TGFBR3: variants seen among roughly 807,000 people sequenced by gnomAD.
The protein encoded by TGFBR3 is transforming growth factor beta receptor 3.
Under a neutral mutation model 87.9 loss-of-function variants are expected in TGFBR3, and 46 were observed. That is an observed-to-expected ratio of 0.52 (90% CI 0.41 to 0.67). TGFBR3 has a LOEUF of 0.67. Ranked by LOEUF, TGFBR3 falls within the 30% of genes least tolerant of loss-of-function variation. TGFBR3 has a pLI of 0.00. For missense variants in TGFBR3, 866 were observed against 1,041.9 expected (o/e 0.83, Z 2.32); for synonymous variants, 381 against 391.6 (o/e 0.97, Z 0.32).
In TGFBR3 at chr1:91,751,124, C is replaced by T. The variant is rs192524507; in HGVS notation, c.384+7489G>A. On this transcript the variant is annotated intron_variant, in intron 4 of 16. Coordinates refer to ENST00000212355, the MANE Select transcript of TGFBR3 (RefSeq NM_003243.5). ...ATGAATGAACAAGCACATACATAAA[C>T]CATCATACCCGGTATGCTAATTCTG... Among the ~76,000 whole-genome samples the T allele has an allele frequency of 3.3e-5, 5 of 152,246 alleles. No individual in the cohort carries two copies. In the East Asian group the frequency reaches 9.6e-4, roughly 29 times the overall value.
intron 1 of TGFBR3, among the ~76,000 whole-genome samples, chr1:91,880,356 G>A (rs1679022960): frequency 6.6e-6 from 1 of 152,180 alleles, no homozygotes; most frequent in East Asian, 1.9e-4. Flanking sequence ...ATCCCAGCAC[G>A]TTGGGAGGCC....
chr1:91,696,538 A>G (rs965078177), intron 15 of TGFBR3, among the ~76,000 whole-genome samples: 10 of 152,200 alleles, frequency 6.6e-5, no homozygotes, highest in Non-Finnish European at 7.3e-5. Context: ...CCATTTGGCA[A>G]AGGTTTTTAT....
At chr1:91,775,506 T>C (rs150286999) in intron 3 of TGFBR3, among the ~76,000 whole-genome samples, 75 of 152,322 alleles carry the variant, frequency 4.9e-4, no homozygotes, top group African/African-American at 1.7e-3. Flanking sequence ...ACGCTTCCTC[T>C]AAGAAGCCCT....
At chr1:91,876,101 G>A (rs1160684805) in intron 1 of TGFBR3, among the ~76,000 whole-genome samples, 1 of 151,914 alleles carries the variant, frequency 6.6e-6, no homozygotes, top group Non-Finnish European at 1.5e-5. Context: ...CCTCATGGGG[G>A]TGTGGTGGGG....
In TGFBR3 at chr1:91,683,797, GC is replaced by G; in HGVS notation, c.2497del (p.Ala833LeufsTer46). The G allele has an allele frequency of 6.2e-7, 1 of 1,608,504 alleles. No homozygotes were observed. Among genetic ancestry groups the G allele is most frequent in the Non-Finnish European group, 8.5e-7 (1 of 1,178,156 alleles). ...CTGCGTGCTGCCGATGCTGTGGGCA[GC>G]ACTGCTGTTTTCCGAGGCTGGCGGG... is the stretch of plus-strand genomic sequence containing the variant. ...TSPPASENSS[A>X]AHSIGSTQST... On this transcript the variant is annotated frameshift_variant, in exon 17 of 17. Coordinates refer to ENST00000212355, the MANE Select transcript of TGFBR3 (RefSeq NM_003243.5). LOFTEE classifies it high-confidence loss of function.
At chr1:91,784,400 CA>C (rs1319852480) in intron 3 of TGFBR3, among the ~76,000 whole-genome samples, 1 of 151,972 alleles carries the variant, frequency 6.6e-6, no homozygotes, top group Non-Finnish European at 1.5e-5. Flanking sequence ...TTGCATAATG[CA>C]AAAAAAGACC....
chr1:91,814,978 TCTACTATA>T (rs1443362195), intron 2 of TGFBR3, among the ~76,000 whole-genome samples: 1 of 152,106 alleles, frequency 6.6e-6, no homozygotes, highest in African/African-American at 2.4e-5. Flanking sequence ...TGTAAAAATC[TCTACTATA>T]CTGTGAGCAA....
chr1:91,867,605 A>C (rs1678435087), intron 1 of TGFBR3, among the ~76,000 whole-genome samples: 4 of 152,230 alleles, frequency 2.6e-5, no homozygotes, highest in Admixed American at 6.5e-5. Context: ...GTTTTATTCA[A>C]ACTCACAAAC....
rs1165454310 is a variant in TGFBR3 at position 91,695,562 on chromosome 1, G to A, written c.2437+110C>T. 6.5e-6 allele frequency: 6 copies of A among 919,044 alleles called. No homozygotes were observed. In the East Asian group the frequency reaches 1.2e-4, roughly 19 times the overall value. 56.9% of individuals were successfully genotyped at this position (919,044 alleles called of 1,614,324 possible). ...CAAATATGTAAATGTAAAAATAGTA[G>A]GAATGAACTTTCTCTTTCATTCGTT... On this transcript the variant is annotated intron_variant, in intron 16 of 16. Transcript: ENST00000212355.
Position 91,705,399 on chromosome 1 carries a change from G to GT in TGFBR3, c.2287+3263dup, listed in dbSNP as rs557138317. Among the ~76,000 whole-genome samples the GT allele has an allele frequency of 5.3e-3, 769 of 146,262 alleles. 17 individuals carry two copies. Among genetic ancestry groups the GT allele is most frequent in the African/African-American group, 4.5e-3 (182 of 40,018 alleles). ...CCATGACGCCTGGCTAATTTTTTTGGTTTTTTTTTTAGGTAGAGACAGGGT... is the reference window on the plus strand; with the variant it reads ...CCATGACGCCTGGCTAATTTTTTTGGTTTTTTTTTTTAGGTAGAGACAGGGT... On this transcript the variant is annotated intron_variant, in intron 14 of 16. Coordinates refer to ENST00000212355, the MANE Select transcript of TGFBR3 (RefSeq NM_003243.5).
chr1:91,701,287 C>T lies in TGFBR3; in HGVS notation c.2288-3157G>A, dbSNP rs534630143. ...ACAATAACAAGCAGAAGCTGCAGAA[C>T]TGAGGTTAAAGAATTCTATCCTCGA... On this transcript the variant is annotated intron_variant, in intron 14 of 16. Coordinates refer to ENST00000212355, the MANE Select transcript of TGFBR3 (RefSeq NM_003243.5). 1.1e-4 allele frequency among the ~76,000 whole-genome samples: 17 copies of T among 152,134 alleles called. 1 individual carries two copies. Among genetic ancestry groups the T allele is most frequent in the Admixed American group, 1.1e-3 (17 of 15,290 alleles).
At chr1:91,806,475 C>T (rs17883088) in intron 2 of TGFBR3, among the ~76,000 whole-genome samples, 6,094 of 151,458 alleles carry the variant, frequency 0.04, 328 homozygotes, top group African/African-American at 0.12. Flanking sequence ...AAAATACTGG[C>T]GGGGGGGGTA....
At chr1:91,684,993 G>A (rs766452663) in intron 16 of TGFBR3, among the ~76,000 whole-genome samples, 7 of 152,042 alleles carry the variant, frequency 4.6e-5, no homozygotes, top group African/African-American at 1.2e-4. Flanking sequence ...CAAAACACTC[G>A]AGGAAAGGCC....
At chr1:91,684,530 C>T (rs1448513581) in intron 16 of TGFBR3, among the ~76,000 whole-genome samples, 1 of 152,202 alleles carries the variant, frequency 6.6e-6, no homozygotes, top group Admixed American at 6.5e-5. Context: ...CTGAGGTTCC[C>T]TGTGGGGTGC....
At chr1:91,828,986 C>T (rs762938113) in intron 2 of TGFBR3, among the ~76,000 whole-genome samples, 1 of 152,132 alleles carries the variant, frequency 6.6e-6, no homozygotes, top group Non-Finnish European at 1.5e-5. Context: ...GGCATGTGTC[C>T]TGCTGGCAAA....
intron 16 of TGFBR3, among the ~76,000 whole-genome samples, chr1:91,695,197 A>C (rs574356003): frequency 1.3e-4 from 20 of 152,248 alleles, no homozygotes; most frequent in Admixed American, 3.3e-4. Flanking sequence ...TTATCAAAGA[A>C]GACATAGCAT....
intron 1 of TGFBR3, 169 bp from the exon 2 acceptor site, chr1:91,861,813 A>T: frequency 2.6e-6 from 1 of 382,938 alleles, no homozygotes; most frequent in South Asian, 2.6e-5. Context: ...TCTAATAAAG[A>T]TTTTTATAGC....
intron 2 of TGFBR3, among the ~76,000 whole-genome samples, chr1:91,799,440 C>T (rs1675518344): frequency 6.6e-6 from 1 of 152,218 alleles, no homozygotes; most frequent in African/African-American, 2.4e-5. Flanking sequence ...GCTCCCTCTG[C>T]TGCCCTCATC....
intron 16 of TGFBR3, among the ~76,000 whole-genome samples, chr1:91,686,686 C>T (rs1214736945): frequency 6.6e-6 from 1 of 152,206 alleles, no homozygotes; most frequent in Non-Finnish European, 1.5e-5. Flanking sequence ...ACAGATGCTT[C>T]TACTTAATGG....
Sources: gnomAD v4.1 joint callset for allele counts (sites outside exome capture counted in the v4.1 genomes callset) on GRCh38, gnomAD v4.1.1 for gene constraint, MANE v1.5 for transcripts, NCBI Gene and HGNC (gene_info 2026-07-23, HGNC 2026-07-21) for gene names.